NBDY: variants seen among roughly 807,000 people sequenced by gnomAD.
The protein encoded by NBDY is P-body dissociating protein.
At chrX:56,729,683 G>A (rs2069447689) in intron 1 of NBDY, 94 bp downstream of exon 1, 1 of 291,534 alleles carries the variant, frequency 3.4e-6, no homozygotes, top group Middle Eastern at 9.0e-4. Context: ...TTCTTTCCAT[G>A]ATTTCAAAAT....
At chrX:56,798,872 T>G (rs1000056284) in intron 2 of NBDY, among the ~76,000 whole-genome samples, 1 of 112,093 alleles carries the variant, frequency 8.9e-6, no homozygotes, top group Non-Finnish European at 1.9e-5. Flanking sequence ...CTCTCCCTCC[T>G]GTCTTTTTCT....
chrX:56,745,895 G>C (rs1291554950), intron 2 of NBDY, among the ~76,000 whole-genome samples: 2 of 111,255 alleles, frequency 1.8e-5, no homozygotes, highest in African/African-American at 3.3e-5. Flanking sequence ...GTCCTTCTTA[G>C]GCACAAAATT....
chrX:56,741,521 G>A, intron 2 of NBDY, among the ~76,000 whole-genome samples: 1 of 111,546 alleles, frequency 9.0e-6, no homozygotes, highest in African/African-American at 3.2e-5. Context: ...CCTGTCACTT[G>A]GATATAAGCC....
At chrX:56,787,631 G>C (rs1235917822) in intron 2 of NBDY, among the ~76,000 whole-genome samples, 1 of 112,267 alleles carries the variant, frequency 8.9e-6, no homozygotes, top group Non-Finnish European at 1.9e-5. Flanking sequence ...CCCACTTTGG[G>C]GTAGGGGTAG....
At chrX:56,742,894 C>G (rs181623794) in intron 2 of NBDY, among the ~76,000 whole-genome samples, 1 of 111,487 alleles carries the variant, frequency 9.0e-6, no homozygotes, top group Admixed American at 9.5e-5. Flanking sequence ...GCGTCCTTGT[C>G]ATGTTTCAGA....
chrX:56,812,801 TTTC>T lies in NBDY; in HGVS notation c.*167-4506_*167-4504del, dbSNP rs781644292. ...GTTGTTGTTCTTTTTCTCCTCTTTC[TTTC>T]TTCTTCTTCTTCCTTTTTCCTTTCA... is the stretch of plus-strand genomic sequence containing the variant. On this transcript the variant is annotated intron_variant, in intron 2 of 2. Coordinates refer to ENST00000374922, the MANE Select transcript of NBDY (RefSeq NM_001348129.2). Among the ~76,000 whole-genome samples the T allele has an allele frequency of 2.5e-4, 28 of 111,834 alleles. No individual in the cohort carries two copies. The South Asian group carries it at 2.7e-3, about 11-fold the overall frequency.
At chrX:56,740,725 T>A (rs1319198534) in intron 2 of NBDY, among the ~76,000 whole-genome samples, 1 of 111,348 alleles carries the variant, frequency 9.0e-6, no homozygotes. Flanking sequence ...TGGGTCTTTT[T>A]AATTTTGTAA....
intron 2 of NBDY, among the ~76,000 whole-genome samples, chrX:56,750,153 A>G (rs1417448521): frequency 9.0e-6 from 1 of 111,615 alleles, no homozygotes; most frequent in Non-Finnish European, 1.9e-5. Context: ...TTTTTAAACA[A>G]CAATGAAGAG....
intron 2 of NBDY, among the ~76,000 whole-genome samples, chrX:56,815,035 G>A (rs1054576013): frequency 9.0e-6 from 1 of 110,970 alleles, no homozygotes; most frequent in East Asian, 2.8e-4. Flanking sequence ...TATTCTTAAA[G>A]TAGTGATAAA....
intron 2 of NBDY, among the ~76,000 whole-genome samples, chrX:56,803,207 AC>A (rs1199372639): frequency 9.0e-6 from 1 of 110,842 alleles, no homozygotes; most frequent in Non-Finnish European, 1.9e-5. Context: ...CCAGGATGGC[AC>A]CCGGGCTCCA....
chrX:56,782,311 C>T (rs369477821), intron 2 of NBDY, among the ~76,000 whole-genome samples: 1 of 110,268 alleles, frequency 9.1e-6, no homozygotes, highest in Non-Finnish European at 1.9e-5. Flanking sequence ...TCTCCTCCTC[C>T]TCCTCCTTCT....
chrX:56,756,313 ATAAT>A (rs1293957969), intron 2 of NBDY, among the ~76,000 whole-genome samples: 2 of 109,881 alleles, frequency 1.8e-5, no homozygotes, highest in Non-Finnish European at 3.8e-5. Flanking sequence ...AAATAAATAA[ATAAT>A]AAAATGGTTA....
At chrX:56,740,960 G>T (rs193052206) in intron 2 of NBDY, among the ~76,000 whole-genome samples, 1 of 109,937 alleles carries the variant, frequency 9.1e-6, no homozygotes, top group African/African-American at 3.3e-5. Flanking sequence ...TTGTATACCC[G>T]TTAACCATCC....
intron 2 of NBDY, among the ~76,000 whole-genome samples, chrX:56,807,800 C>G (rs749038218): frequency 2.7e-5 from 3 of 111,675 alleles, no homozygotes; most frequent in Admixed American, 9.5e-5. Flanking sequence ...AATTGAATAC[C>G]CTTTATTTCT....
chrX:56,730,513 C>CAA (rs1157131797), intron 1 of NBDY, among the ~76,000 whole-genome samples: 127 of 11,193 alleles, frequency 0.011, 15 homozygotes, highest in East Asian at 0.08. Flanking sequence ...AACTACGTCT[C>CAA]AAAAAAAAAA....
chrX:56,735,379 C>G (rs1293083981), intron 2 of NBDY, among the ~76,000 whole-genome samples: 1 of 112,508 alleles, frequency 8.9e-6, no homozygotes, highest in Non-Finnish European at 1.9e-5. Flanking sequence ...TTAGGAAGAA[C>G]TCTCACAAAA....
At chrX:56,730,506 T>A (rs1362730632) in intron 1 of NBDY, among the ~76,000 whole-genome samples, 3 of 8,457 alleles carry the variant, frequency 3.5e-4, no homozygotes, top group Non-Finnish European at 7.5e-4. Flanking sequence ...AGCAAAAAAC[T>A]ACGTCTCAAA....
rs555184003 is a variant in NBDY, at chrX:56,784,876, C to T, written c.*167-32444C>T. 4.6e-4 allele frequency among the ~76,000 whole-genome samples: 52 copies of T among 112,517 alleles called. No homozygotes were observed. The South Asian group carries it at 0.019, about 41-fold the overall frequency. Reference sequence around the variant, plus strand: ...GCTTCTTGGGATGCGAAGCCATGACCGCGTTGCTCTAAAGGTTACATATGC... The same window carrying T: ...GCTTCTTGGGATGCGAAGCCATGACTGCGTTGCTCTAAAGGTTACATATGC... On this transcript the variant is annotated intron_variant, in intron 2 of 2. Transcript: ENST00000374922.
chrX:56,781,259 C>G (rs919392955), intron 2 of NBDY, among the ~76,000 whole-genome samples: 2 of 111,884 alleles, frequency 1.8e-5, no homozygotes, highest in African/African-American at 6.5e-5. Context: ...AACTGTTTCC[C>G]GTCATCTAAG....
Sources: allele counts gnomAD v4.1 joint callset (sites outside exome capture counted in the v4.1 genomes callset), GRCh38; gene constraint gnomAD v4.1.1; transcripts MANE v1.5; gene names NCBI Gene and HGNC (gene_info 2026-07-23, HGNC 2026-07-21).